The following DRD3 variants were observed in gnomAD, a reference collection of about 807,000 sequenced individuals.
DRD3 encodes D(3) dopamine receptor.
DRD3 carries 19 observed loss-of-function variants against 36.3 expected under a neutral mutation model. The ratio of observed to expected loss-of-function variants is 0.52; its 90% CI spans 0.36 to 0.77. The LOEUF (loss-of-function observed/expected upper bound fraction) is 0.77, where lower values mean the gene tolerates loss of function less well. Ranked by LOEUF, DRD3 falls within the 30% of genes least tolerant of loss-of-function variation. The probability of loss-of-function intolerance (pLI) is 0.00; values close to 1 mark genes in which losing one functional copy is unlikely to be tolerated. For synonymous variants in DRD3, 195 were observed against 203.7 expected (o/e 0.96, Z 0.36); for missense variants, 465 against 505.3 (o/e 0.92, Z 0.77).
At chr3:114,152,411 G>C (rs2077626021) in intron 3 of DRD3, among the ~76,000 whole-genome samples, 1 of 152,228 alleles carries the variant, frequency 6.6e-6, no homozygotes, top group African/African-American at 2.4e-5. Flanking sequence ...GAGAAAGTCT[G>C]CATTAGGGAA....
rs778389731 is a variant in DRD3, at chr3:114,128,731, C to T, written c.1188G>A (p.Lys396=). ...TTCTGCTCCCTCAGCAAGACAGGAT[C>T]TTGAGGAAGGCTTTCCGGAACTCGA... ...FNIEFRKAFL[K]ILSC is the part of the protein sequence containing the mutation. The change falls in exon 7 of 7, where the codon AAG becomes AAA. Residue 396 remains lysine, a synonymous_variant. Transcript: ENST00000383673. 6.2e-7 allele frequency: 1 copy of T among 1,602,660 alleles called. No individual in the cohort carries two copies. The highest frequency in any genetic ancestry group is 1.1e-5 in the South Asian group (1 of 89,210).
chr3:114,184,305 G>A (rs1388810096), intron 1 of DRD3, among the ~76,000 whole-genome samples: 3 of 151,882 alleles, frequency 2.0e-5, no homozygotes, highest in Non-Finnish European at 4.4e-5. Context: ...TTTATATATT[G>A]TGTAACACCA....
intron 1 of DRD3, among the ~76,000 whole-genome samples, chr3:114,194,903 A>G (rs2078029345): frequency 6.6e-6 from 1 of 151,980 alleles, no homozygotes; most frequent in African/African-American, 2.4e-5. Context: ...ATGTTCAGAG[A>G]AAATTCTGCT....
rs151333072 is a variant in DRD3 at position 114,175,193 on chromosome 3, G to T, written c.-35-3166C>A. 3.4e-4 allele frequency among the ~76,000 whole-genome samples: 51 copies of T among 152,144 alleles called. No individual in the cohort carries two copies. The East Asian group carries it at 9.8e-3, about 29-fold the overall frequency. On this transcript the variant is annotated intron_variant, in intron 1 of 6. Transcript: ENST00000383673. ...ACATTGCCACATATCCTGGAGCGGG[G>T]GTGCAAATTGCTCTCCCCATGAAGA...
chr3:114,191,718 A>G (rs2078011749), intron 1 of DRD3, among the ~76,000 whole-genome samples: 1 of 152,166 alleles, frequency 6.6e-6, no homozygotes, highest in Non-Finnish European at 1.5e-5. Context: ...GATGGGGAAG[A>G]GTGAATACAT....
intron 3 of DRD3, 136 bp from the exon 4 acceptor site, chr3:114,147,693 C>T: frequency 9.8e-7 from 1 of 1,024,744 alleles, no homozygotes; most frequent in African/African-American, 1.6e-5. Flanking sequence ...GGCATGATTA[C>T]TGTTCACTGC....
rs1481982719 is a variant in DRD3 at position 114,178,898 on chromosome 3, C to T, written c.-277G>A. 1 of 152,092 alleles carries T rather than the reference C, an allele frequency of 6.6e-6. No individual in the cohort carries two copies. The highest frequency in any genetic ancestry group is 1.5e-5 in the Non-Finnish European group (1 of 68,024). 9.4% of individuals were successfully genotyped at this position (152,092 alleles called of 1,614,324 possible). A position where few individuals can be genotyped will look rare whatever the true frequency, so the allele number is the denominator to read the frequency against. On this transcript the variant is annotated 5_prime_UTR_variant, in exon 1 of 7. Coordinates refer to ENST00000383673, the MANE Select transcript of DRD3 (RefSeq NM_000796.6). ...GTTTCATAGCTGCTTTCGAATGTATCCGTTTTCTTTAGAGGATTTGGGAGG... is the reference window on the plus strand; with the variant it reads ...GTTTCATAGCTGCTTTCGAATGTATTCGTTTTCTTTAGAGGATTTGGGAGG...
At chr3:114,157,937 T>C (rs977686596) in intron 3 of DRD3, among the ~76,000 whole-genome samples, 2 of 152,110 alleles carry the variant, frequency 1.3e-5, no homozygotes, top group Non-Finnish European at 2.9e-5. Context: ...ACCTCATCTC[T>C]ACTAAAAATG....
At chr3:114,184,663 CCTT>C (rs2107899944) in intron 1 of DRD3, among the ~76,000 whole-genome samples, 1 of 128,766 alleles carries the variant, frequency 7.8e-6, no homozygotes, top group African/African-American at 2.6e-5. Flanking sequence ...CTTATGTTCT[CCTT>C]CTTTTCCTGC....
chr3:114,187,230 C>T (rs1415462695), intron 1 of DRD3, among the ~76,000 whole-genome samples: 1 of 152,166 alleles, frequency 6.6e-6, no homozygotes, highest in Non-Finnish European at 1.5e-5. Context: ...AATAAACGAT[C>T]ATTATTTTTG....
chr3:114,141,108 C>T (rs969169852), intron 4 of DRD3, among the ~76,000 whole-genome samples: 4 of 152,196 alleles, frequency 2.6e-5, no homozygotes, highest in African/African-American at 4.8e-5. Context: ...CTCGGCTCAC[C>T]GCAACCTCCA....
intron 2 of DRD3, among the ~76,000 whole-genome samples, chr3:114,164,088 G>C (rs2077758433): frequency 1.3e-5 from 2 of 151,164 alleles, no homozygotes; most frequent in African/African-American, 4.9e-5. Context: ...GGGTGTGGTG[G>C]TGGGCGCCTG....
At position 114,164,220 on chromosome 3, in the gene DRD3, C is replaced by CAAAA. The variant is rs34500434; in HGVS notation, c.271-4357_271-4354dup. Reference sequence around the variant, plus strand: ...TGGGTGATAGAGCGAGCCTCAGTCTCAAAAAAAAAAAAAAAAAAAAAAAAA... The same window carrying CAAAA: ...TGGGTGATAGAGCGAGCCTCAGTCTCAAAAAAAAAAAAAAAAAAAAAAAAAAAAA... On this transcript the variant is annotated intron_variant, in intron 2 of 6. Transcript: ENST00000383673. Among the ~76,000 whole-genome samples the CAAAA allele has an allele frequency of 3.1e-3, 55 of 17,770 alleles. 1 individual carries two copies. The highest frequency in any genetic ancestry group is 5.2e-3 in the African/African-American group (43 of 8,288). The allele number at this position is 17,770 out of a possible 152,430, so 11.7% of individuals were successfully genotyped here. A position where few individuals can be genotyped will look rare whatever the true frequency, so the allele number is the denominator to read the frequency against.
At chr3:114,148,209 G>C (rs2077585849) in intron 3 of DRD3, among the ~76,000 whole-genome samples, 1 of 152,116 alleles carries the variant, frequency 6.6e-6, no homozygotes. Context: ...CGGCCTTACT[G>C]TCACACACCC....
chr3:114,156,859 TCCTTTCTTTCTTTTTCTTTC>T (rs1373397437), intron 3 of DRD3, among the ~76,000 whole-genome samples: 1 of 25,804 alleles, frequency 3.9e-5, no homozygotes, highest in African/African-American at 8.6e-5. Context: ...CTTTCTTTCT[TCCTTTCTTTCTTTTTCTTTC>T]TCTTTCTTTT....
rs372306594 is a variant in DRD3 at position 114,196,729 on chromosome 3, C to T, written c.-156+2544G>A. Among the ~76,000 whole-genome samples, 7 of 152,272 alleles carry T rather than the reference C, an allele frequency of 4.6e-5. No individual in the cohort carries two copies. The South Asian group carries it at 6.2e-4, about 14-fold the overall frequency. ...TAACTTGCGTTTCTCTAATGAATAA[C>T]GATGCTGGGCATCTTTTCTTGTGCT... On this transcript the variant is annotated intron_variant, in intron 1 of 7. Coordinates refer to the DRD3 transcript ENST00000460779.
chr3:114,136,096 C>A (rs1577582173), intron 5 of DRD3, among the ~76,000 whole-genome samples: 1 of 152,090 alleles, frequency 6.6e-6, no homozygotes, highest in Admixed American at 6.6e-5. Context: ...GAAACAAATT[C>A]TTGGGATTGC....
At chr3:114,154,098 T>C (rs1277637369) in intron 3 of DRD3, among the ~76,000 whole-genome samples, 2 of 152,136 alleles carry the variant, frequency 1.3e-5, no homozygotes, top group East Asian at 3.9e-4. Context: ...CCATTTCTAG[T>C]CCCACACCTG....
chr3:114,184,974 C>T (rs1258966041), intron 1 of DRD3, among the ~76,000 whole-genome samples: 1 of 152,166 alleles, frequency 6.6e-6, no homozygotes, highest in Non-Finnish European at 1.5e-5. Context: ...GCCAAAGTTT[C>T]TCATGAGAAA....
Sources: gnomAD v4.1 joint callset for allele counts (sites outside exome capture counted in the v4.1 genomes callset) on GRCh38, gnomAD v4.1.1 for gene constraint, MANE v1.5 for transcripts, NCBI Gene and HGNC (gene_info 2026-07-23, HGNC 2026-07-21) for gene names.